The following TOX2 variants were observed in gnomAD, a reference collection of about 807,000 sequenced individuals.
TOX2 encodes the protein TOX high mobility group box family member 2, also known as granulosa cell HMG box 1.
In TOX2, 15 loss-of-function variants were observed where a neutral mutation model predicts 47.4. That is an observed-to-expected ratio of 0.32 (90% CI 0.21 to 0.49). The LOEUF (loss-of-function observed/expected upper bound fraction) is 0.49. TOX2 is among the 20% of genes least tolerant of loss of function. The pLI is 0.99. For synonymous variants in TOX2, 290 were observed against 296.6 expected, an observed-to-expected ratio of 0.98 and a Z score of 0.23; for missense variants, 622 against 673.1, an observed-to-expected ratio of 0.92 and a Z score of 0.84.
At chr20:44,001,372 G>A (rs2070579669) in intron 2 of TOX2, among the ~76,000 whole-genome samples, 1 of 152,196 alleles carries the variant, frequency 6.6e-6, no homozygotes, top group Non-Finnish European at 1.5e-5. Context: ...TGGACATGCT[G>A]GGCTCAGTGC....
intron 7 of TOX2, 78 bp downstream of exon 7, chr20:44,066,185 C>T (rs2071818906): frequency 7.1e-7 from 1 of 1,411,940 alleles, no homozygotes; most frequent in Non-Finnish European, 9.3e-7. Context: ...AAACCCTGGC[C>T]CTGCCACTCA....
intron 3 of TOX2, among the ~76,000 whole-genome samples, chr20:44,016,761 G>C (rs1431198550): frequency 6.6e-6 from 1 of 152,152 alleles, no homozygotes; most frequent in Admixed American, 6.5e-5. Context: ...TCCTGTATGA[G>C]GACCCAGTTC....
At chr20:44,037,677 G>T (rs1473169944) in intron 3 of TOX2, among the ~76,000 whole-genome samples, 3 of 152,038 alleles carry the variant, frequency 2.0e-5, no homozygotes, top group African/African-American at 7.3e-5. Context: ...TGAAATACTA[G>T]ATATTATTAT....
rs886931288 is a variant in TOX2 at position 44,066,761 on chromosome 20, G to T, written c.1388G>T (p.Ser463Ile). 4.3e-6 allele frequency: 7 copies of T among 1,614,178 alleles called. No homozygotes were observed. Among genetic ancestry groups the T allele is most frequent in the Non-Finnish European group, 5.9e-6 (7 of 1,180,040 alleles). Residue 463 changes from serine to isoleucine, a missense_variant, in exon 8 of 9, where the codon AGC becomes ATC. Ser to Ile is a moderately radical substitution (Grantham distance 142, BLOSUM62 -2). Around this residue, in one of 3 missense-constraint regions of TOX2, gnomAD observed 294 missense variants for 300.0 expected, o/e 0.98. Transcript: ENST00000341197. ...DFPHISEFPS[S>I]SGSCSPGPSN... ...CCGCACATCTCTGAGTTCCCCAGCA[G>T]CTCGGGATCCTGCTCACCTGGCCCA...
chr20:44,055,261 A>G (rs1230928190), intron 5 of TOX2, among the ~76,000 whole-genome samples: 3 of 152,248 alleles, frequency 2.0e-5, no homozygotes, highest in Non-Finnish European at 2.9e-5. Flanking sequence ...TGAATCAAAT[A>G]AGCAGATGAG....
intron 1 of TOX2, chr20:43,945,635 G>T: frequency 2.7e-6 from 1 of 365,560 alleles, no homozygotes; most frequent in Non-Finnish European, 5.2e-6. Flanking sequence ...AGCCACAAAT[G>T]ACGTGGAGCC....
intron 1 of TOX2, among the ~76,000 whole-genome samples, chr20:43,949,827 T>C (rs2069529657): frequency 6.6e-6 from 1 of 152,184 alleles, no homozygotes; most frequent in South Asian, 2.1e-4. Flanking sequence ...ATCAGTGCTG[T>C]GATGCTCTGG....
At chr20:43,965,038 C>T (rs1000678509) in intron 1 of TOX2, among the ~76,000 whole-genome samples, 1 of 152,278 alleles carries the variant, frequency 6.6e-6, no homozygotes, top group Non-Finnish European at 1.5e-5. Context: ...CATTCAATAT[C>T]GAAAGCAAGA....
At chr20:43,964,536 C>G (rs745997879) in intron 1 of TOX2, among the ~76,000 whole-genome samples, 1 of 152,208 alleles carries the variant, frequency 6.6e-6, no homozygotes, top group Non-Finnish European at 1.5e-5. Flanking sequence ...AGGCTCAGCT[C>G]TCAGTGCCTG....
chr20:44,063,242 A>G (rs1399833072), intron 5 of TOX2, among the ~76,000 whole-genome samples: 1 of 152,256 alleles, frequency 6.6e-6, no homozygotes, highest in Non-Finnish European at 1.5e-5. Context: ...TACTTTCGAC[A>G]AAGGACTAAT....
At chr20:44,014,636 G>A (rs2070843723) in intron 3 of TOX2, among the ~76,000 whole-genome samples, 1 of 152,210 alleles carries the variant, frequency 6.6e-6, no homozygotes, top group Non-Finnish European at 1.5e-5. Context: ...ATCTGTAAAT[G>A]GAGATATTGT....
intron 1 of TOX2, among the ~76,000 whole-genome samples, chr20:43,959,068 A>G (rs529545781): frequency 5.4e-4 from 83 of 152,350 alleles, no homozygotes; most frequent in African/African-American, 1.9e-3. Flanking sequence ...GAAGGGTTCA[A>G]TAGTCAAGAA....
chr20:43,965,548 C>T (rs1211927854), intron 1 of TOX2, among the ~76,000 whole-genome samples: 1 of 152,198 alleles, frequency 6.6e-6, no homozygotes, highest in Non-Finnish European at 1.5e-5. Flanking sequence ...AGTCCCTTTG[C>T]TTTTCTCTCT....
intron 3 of TOX2, 52 bp from the exon 4 acceptor site, chr20:44,051,254 G>C: frequency 1.3e-6 from 2 of 1,546,124 alleles, no homozygotes; most frequent in Non-Finnish European, 1.8e-6. Context: ...AGATGTGATG[G>C]AGTGGCAGGA....
intron 3 of TOX2, among the ~76,000 whole-genome samples, chr20:44,041,351 G>A (rs75177418): frequency 0.036 from 5,454 of 152,280 alleles, 184 homozygotes; most frequent in African/African-American, 0.088. Flanking sequence ...TAAAGGGGGC[G>A]GGGTCCGGCA....
At chr20:44,010,481 A>T (rs1377180821) in intron 3 of TOX2, among the ~76,000 whole-genome samples, 1 of 152,200 alleles carries the variant, frequency 6.6e-6, no homozygotes, top group Non-Finnish European at 1.5e-5. Context: ...TACCCAGGGG[A>T]GGGCACCCGG....
chr20:44,040,942 G>A (rs1457489997), intron 3 of TOX2, among the ~76,000 whole-genome samples: 1 of 152,148 alleles, frequency 6.6e-6, no homozygotes, highest in Non-Finnish European at 1.5e-5. Flanking sequence ...AGATGCAGCC[G>A]ACAGACAGGG....
chr20:43,933,557 G>C (rs1485732401), intron 1 of TOX2, among the ~76,000 whole-genome samples: 1 of 152,248 alleles, frequency 6.6e-6, no homozygotes, highest in African/African-American at 2.4e-5. Flanking sequence ...TCTAGAAGCA[G>C]AGCCTGAGAC....
intron 1 of TOX2, among the ~76,000 whole-genome samples, chr20:43,968,655 C>T (rs771180060): frequency 6.6e-6 from 1 of 152,182 alleles, no homozygotes; most frequent in African/African-American, 2.4e-5. Flanking sequence ...AACTCATTTC[C>T]ATGACAAAAC....
Sources: allele counts gnomAD v4.1 joint callset (sites outside exome capture counted in the v4.1 genomes callset), GRCh38; gene constraint gnomAD v4.1.1; regional missense constraint gnomAD v4.1.1; transcripts MANE v1.5; gene names NCBI Gene and HGNC (gene_info 2026-07-23, HGNC 2026-07-21).